Variants in CACNA1C observed in about 807,000 individuals in gnomAD.
CACNA1C encodes the protein voltage-dependent L-type calcium channel subunit alpha-1C.
CACNA1C carries 30 observed loss-of-function variants against 229.0 expected under a neutral mutation model. The observed-to-expected ratio is 0.13, with a 90% CI of 0.10 to 0.18. The LOEUF (loss-of-function observed/expected upper bound fraction) is 0.18, where lower values mean the gene tolerates loss of function less well. CACNA1C is among the 10% of genes least tolerant of loss of function. The pLI is 1.00. For synonymous variants in CACNA1C, 1,114 were observed against 1,132.5 expected, an observed-to-expected ratio of 0.98 and a Z score of 0.33; for missense variants, 1,658 against 2,845.0, an observed-to-expected ratio of 0.58 and a Z score of 9.49.
intron 1 of CACNA1C, among the ~76,000 whole-genome samples, chr12:2,092,676 A>G (rs1318125073): frequency 6.6e-6 from 1 of 152,170 alleles, no homozygotes. Context: ...TCAAGGGAGA[A>G]TGTTGACTTG....
intron 9 of CACNA1C, among the ~76,000 whole-genome samples, chr12:2,518,516 G>A (rs1378942721): frequency 6.6e-6 from 1 of 151,832 alleles, no homozygotes; most frequent in African/African-American, 2.4e-5. Context: ...GCTGAGGCAG[G>A]AGAATGGCGT....
At chr12:2,453,235 A>G (rs1450624436) in intron 4 of CACNA1C, among the ~76,000 whole-genome samples, 5 of 152,014 alleles carry the variant, frequency 3.3e-5, no homozygotes, top group African/African-American at 1.2e-4. Flanking sequence ...CAATCCCCTC[A>G]TCGCTCAGCC....
intron 3 of CACNA1C, among the ~76,000 whole-genome samples, chr12:2,447,260 T>A (rs1320935671): frequency 1.3e-5 from 2 of 152,168 alleles, no homozygotes. Flanking sequence ...CGTCCTGTGA[T>A]TTGTTTGTGG....
At position 2,651,522 on chromosome 12, in the gene CACNA1C, C is replaced by A; in HGVS notation, c.3946-118C>A. On this transcript the variant is annotated intron_variant, in intron 31 of 46. Transcript: ENST00000399655. This position sits in a 1 kb window ranked among gnomAD's most constrained non-coding sequence, Gnocchi z 5.4. ...CATCGGAGGGGGAAGTCTAGTGCAG[C>A]AAACCCTGGCCTGCCTTCCGCCACT... The A allele has an allele frequency of 1.3e-6, 2 of 1,509,664 alleles. No homozygotes were observed. The highest frequency in any genetic ancestry group is 1.7e-5 in the Admixed American group (1 of 59,034). The allele number at this position is 1,509,664 out of a possible 1,614,324, so 93.5% of individuals were successfully genotyped here.
chr12:2,591,911 C>T (rs1472279479), intron 18 of CACNA1C, among the ~76,000 whole-genome samples: 3 of 152,256 alleles, frequency 2.0e-5, no homozygotes, highest in Non-Finnish European at 4.4e-5. Flanking sequence ...ATCTCTGCCT[C>T]TGTCTTCACA....
intron 3 of CACNA1C, among the ~76,000 whole-genome samples, chr12:2,137,070 G>A (rs914299687): frequency 2.6e-5 from 4 of 151,326 alleles, no homozygotes; most frequent in Admixed American, 6.6e-5. Context: ...ACGGCGCCCC[G>A]CCCAGGTGAG....
Position 2,213,726 on chromosome 12 carries a change from C to T in CACNA1C, c.477+93296C>T, listed in dbSNP as rs75005466. ...CTCTGCAGGCCTCCCAGGCCCCGGG[C>T]CCCGTCCACAGAGGGAAGGCACGGA... On this transcript the variant is annotated intron_variant, in intron 3 of 46. Transcript: ENST00000399655. Among the ~76,000 whole-genome samples the T allele has an allele frequency of 4.5e-3, 690 of 152,328 alleles. 6 individuals are homozygous for T. Among genetic ancestry groups the T allele is most frequent in the African/African-American group, 0.015 (605 of 41,576 alleles).
At chr12:2,627,354 G>T (rs2087342576) in intron 29 of CACNA1C, among the ~76,000 whole-genome samples, 1 of 152,042 alleles carries the variant, frequency 6.6e-6, no homozygotes, top group African/African-American at 2.4e-5. Flanking sequence ...TCTCTGCTTG[G>T]TGTCGGTTAC....
intron 3 of CACNA1C, among the ~76,000 whole-genome samples, chr12:2,229,013 G>A (rs1028098827): frequency 6.6e-6 from 1 of 152,180 alleles, no homozygotes; most frequent in Non-Finnish European, 1.5e-5. Flanking sequence ...GCTCAGTTTG[G>A]TAGTGAAGAC....
intron 1 of CACNA1C, among the ~76,000 whole-genome samples, chr12:2,102,529 C>G (rs776382028): frequency 6.6e-6 from 1 of 152,188 alleles, no homozygotes; most frequent in Non-Finnish European, 1.5e-5. Context: ...CATCAGCAAC[C>G]TGAAGGATTT....
At chr12:2,550,401 C>A in intron 10 of CACNA1C, 1 of 572,442 alleles carries the variant, frequency 1.7e-6, no homozygotes, top group Non-Finnish European at 2.8e-6. Context: ...TTCAAAGAGA[C>A]AGCGAGGTTA....
intron 1 of CACNA1C, among the ~76,000 whole-genome samples, chr12:1,985,989 AT>A: frequency 6.6e-6 from 1 of 151,748 alleles, no homozygotes; most frequent in Non-Finnish European, 1.5e-5. Context: ...TTTGTTTTGT[AT>A]TTTTAGTAGA....
At position 2,345,054 on chromosome 12, in the gene CACNA1C, T is replaced by C. The variant is rs977175212; in HGVS notation, c.478-103922T>C. On this transcript the variant is annotated intron_variant, in intron 3 of 46. Transcript: ENST00000399655. The stretch of plus-strand genomic sequence containing the variant: ...GGGAACCATACTAGATCAAGCTCTC[T>C]GGCCGTGAGCCCCATGTCTGTGGGT... Among the ~76,000 whole-genome samples, 3 of 148,870 alleles carry C rather than the reference T, an allele frequency of 2.0e-5. 1 individual carries two copies. In the Admixed American group the frequency reaches 2.0e-4, roughly 10 times the overall value.
At chr12:2,640,373 G>T (rs1024256829) in intron 30 of CACNA1C, among the ~76,000 whole-genome samples, 1 of 152,222 alleles carries the variant, frequency 6.6e-6, no homozygotes, top group Non-Finnish European at 1.5e-5. Context: ...CTGGCAACGG[G>T]ACTTGGGGCG....
chr12:1,996,051 A>G (rs904033570), intron 1 of CACNA1C, among the ~76,000 whole-genome samples: 1 of 152,264 alleles, frequency 6.6e-6, no homozygotes, highest in East Asian at 1.9e-4. Context: ...AAATATTGTC[A>G]TTTTTAAAAT....
chr12:2,679,700 G>A lies in CACNA1C; in HGVS notation c.5348G>A (p.Gly1783Asp). The change falls in exon 42 of 47, where the codon GGC becomes GAC. Residue 1783 changes from glycine to aspartate, a missense_variant. This residue lies in a region of CACNA1C where 590 missense variants were observed against 700.8 expected (regional missense o/e 0.84). Transcript: ENST00000399655. This position sits in a 1 kb window ranked among gnomAD's most constrained non-coding sequence, Gnocchi z 5.5. ...TALGRLPRPAGYPSTVSTVEG... is the reference protein window; with the variant it reads ...TALGRLPRPADYPSTVSTVEG... Reference sequence around the variant, plus strand: ...CTGGGTCGCCTCCCTCGCCCCGCCGGCTACCCCAGCACGGTCAGCACTGTG... The same window carrying A: ...CTGGGTCGCCTCCCTCGCCCCGCCGACTACCCCAGCACGGTCAGCACTGTG... 6.2e-7 allele frequency: 1 copy of A among 1,611,382 alleles called. No homozygotes were observed. Among genetic ancestry groups the A allele is most frequent in the Non-Finnish European group, 8.5e-7 (1 of 1,178,742 alleles).
intron 5 of CACNA1C, among the ~76,000 whole-genome samples, chr12:2,462,582 G>A (rs899935942): frequency 1.3e-5 from 2 of 152,190 alleles, no homozygotes; most frequent in Non-Finnish European, 2.9e-5. Context: ...GACAATAAAG[G>A]TGATAAATAT....
Position 2,457,189 on chromosome 12 carries a change from C to T in CACNA1C, c.618-378C>T, listed in dbSNP as rs118011132. ...GAAACAGAGCACATGGTTGCTGGCA[C>T]ACCTGGGAGGGGCGCTAGGATACCA... On this transcript the variant is annotated intron_variant, in intron 4 of 46. Coordinates refer to ENST00000399655, the MANE Select transcript of CACNA1C (RefSeq NM_000719.7). Among the ~76,000 whole-genome samples, 144 of 152,348 alleles carry T rather than the reference C, an allele frequency of 9.5e-4. 1 individual carries two copies. In the East Asian group the frequency reaches 0.026, roughly 28 times the overall value.
intron 3 of CACNA1C, among the ~76,000 whole-genome samples, chr12:2,370,483 C>T (rs550019692): frequency 1.3e-5 from 2 of 152,256 alleles, no homozygotes; most frequent in African/African-American, 4.8e-5. Context: ...TGTGTTATAA[C>T]TCATATGATG....
Sources: allele counts gnomAD v4.1 joint callset (sites outside exome capture counted in the v4.1 genomes callset), GRCh38; gene constraint gnomAD v4.1.1; regional missense constraint gnomAD v4.1.1; non-coding constraint Gnocchi (gnomAD v3.1); transcripts MANE v1.5; gene names NCBI Gene and HGNC (gene_info 2026-07-23, HGNC 2026-07-21).